Variants in SPTBN5 observed in about 807,000 individuals in gnomAD.
The protein encoded by SPTBN5 is spectrin beta, non-erythrocytic 5, also known as spectrin beta chain, non-erythrocytic 5.
SPTBN5 carries 513 observed loss-of-function variants against 477.6 expected under a neutral mutation model. The observed-to-expected ratio is 1.07, with a 90% CI of 1.00 to 1.16. The LOEUF (loss-of-function observed/expected upper bound fraction) is 1.16. Ranked by LOEUF, SPTBN5 falls within the 50% of genes most tolerant of loss-of-function variation. SPTBN5 has a pLI of 0.00. For synonymous variants in SPTBN5, 2,169 were observed against 2,011.7 expected, an observed-to-expected ratio of 1.08 and a Z score of -2.09; for missense variants, 5,062 against 4,731.8, an observed-to-expected ratio of 1.07 and a Z score of -2.05.
chr15:41,869,159 G>A (rs897690630), intron 32 of SPTBN5, among the ~76,000 whole-genome samples: 10 of 152,244 alleles, frequency 6.6e-5, no homozygotes, highest in Non-Finnish European at 2.9e-5. Flanking sequence ...GAGGAAGGAA[G>A]GGTAAATGGC....
Position 41,874,458 on chromosome 15 carries a change from T to G in SPTBN5, c.4523A>C (p.His1508Pro), listed in dbSNP as rs1047339369. 1 of 1,610,590 alleles carries G rather than the reference T, an allele frequency of 6.2e-7. No homozygotes were observed. Among genetic ancestry groups the G allele is most frequent in the South Asian group, 1.1e-5 (1 of 90,934 alleles). The change falls in exon 24 of 68, where the codon CAT (histidine) becomes CCT (proline). Residue 1508 changes from histidine (H) to proline (P), a missense_variant. His to Pro is a moderately conservative substitution (Grantham distance 77). Coordinates refer to ENST00000320955, the MANE Select transcript of SPTBN5 (RefSeq NM_016642.4). ...HLRRLELLQG[H>P]LAIRGLQLQA... ...CAGCTGCAGGCCCCGGATGGCCAGA[T>G]GCCCCTGCAGAAGCTCCAGCCTAGG...
At chr15:41,868,884 C>A (rs768084776) in intron 32 of SPTBN5, among the ~76,000 whole-genome samples, 2 of 152,242 alleles carry the variant, frequency 1.3e-5, no homozygotes, top group Non-Finnish European at 2.9e-5. Flanking sequence ...CAGAGCTCAC[C>A]TGGATGAGGC....
chr15:41,854,137 C>A lies in SPTBN5; in HGVS notation c.9687G>T (p.Gln3229His). ...CCCCCTTCATCAGGGCCGTCTTCTC[C>A]TGCATCCTTCCCTGGAGCTCAGCTG... Reference protein sequence around the residue: ...QAAAELQGRMQEKTALMKGED... With the variant: ...QAAAELQGRMHEKTALMKGED... Residue 3229 changes from glutamine (Q) to histidine (H), a missense_variant, in exon 57 of 68, where the codon CAG becomes CAT. By Grantham distance (24) the Gln-to-His change is conservative. Transcript: ENST00000320955. 6.3e-7 allele frequency: 1 copy of A among 1,594,646 alleles called. No homozygotes were observed. The highest frequency in any genetic ancestry group is 2.3e-5 in the East Asian group (1 of 43,854).
chr15:41,882,677 C>T lies in SPTBN5; in HGVS notation c.1954G>A (p.Glu652Lys), dbSNP rs1367333938. 1.9e-6 allele frequency: 3 copies of T among 1,608,870 alleles called. No individual in the cohort carries two copies. The highest frequency in any genetic ancestry group is 1.7e-5 in the Admixed American group (1 of 59,524). Residue 652 changes from glutamate (E) to lysine (K), a missense_variant, in exon 10 of 68, where the codon GAA becomes AAA. Transcript: ENST00000320955. The stretch of plus-strand genomic sequence containing the variant: ...TGTCCGCACTCCTTCAGCCAGGCTT[C>T]CTCCTCCTCACAGTTGCGCAGGAAC... ...AEFLRNCEEE[E>K]AWLKECGQRV...
chr15:41,871,310 CTG>C, intron 29 of SPTBN5, 63 bp downstream of exon 29: 1 of 1,353,838 alleles, frequency 7.4e-7, no homozygotes, highest in African/African-American at 1.5e-5. Flanking sequence ...TCTTACCACT[CTG>C]GGCCCTGCCT....
intron 3 of SPTBN5, among the ~76,000 whole-genome samples, chr15:41,892,140 G>A (rs1288357914): frequency 6.6e-6 from 1 of 152,156 alleles, no homozygotes; most frequent in Non-Finnish European, 1.5e-5. Context: ...CACCCCAGGA[G>A]GCTGGATGTA....
intron 7 of SPTBN5, 38 bp downstream of exon 7, chr15:41,885,697 C>T: frequency 6.5e-7 from 1 of 1,531,488 alleles, no homozygotes; most frequent in South Asian, 1.2e-5. Context: ...AGGACAGCCT[C>T]AGCCAGCTGT....
chr15:41,856,777 C>T, intron 52 of SPTBN5, 76 bp downstream of exon 52: 3 of 1,443,478 alleles, frequency 2.1e-6, no homozygotes, highest in South Asian at 2.6e-5. Context: ...CCTGGCTGGG[C>T]CACAGAGAGT....
chr15:41,876,439 T>A, intron 20 of SPTBN5, 109 bp downstream of exon 20: 1 of 1,337,044 alleles, frequency 7.5e-7, no homozygotes, highest in Non-Finnish European at 1.0e-6. Flanking sequence ...GTTGAGAGGA[T>A]GAATGACATA....
At chr15:41,861,606 A>G (rs1385683611) in intron 45 of SPTBN5, 110 bp from the exon 46 acceptor site, 2 of 1,510,688 alleles carry the variant, frequency 1.3e-6, no homozygotes, top group Non-Finnish European at 1.8e-6. Flanking sequence ...GGAAGGCAGG[A>G]GTGCTGAGTG....
At position 41,858,672 on chromosome 15, in the gene SPTBN5, T is replaced by C. The variant is rs1256823703; in HGVS notation, c.8156A>G (p.Gln2719Arg). The change falls in exon 49 of 68, where the codon CAG becomes CGG. Residue 2719 changes from glutamine (Q) to arginine (R), a missense_variant. Gln to Arg is a conservative substitution (Grantham distance 43, BLOSUM62 1). Coordinates refer to ENST00000320955, the MANE Select transcript of SPTBN5 (RefSeq NM_016642.4). Reference sequence around the variant, plus strand: ...CTGGAAATTCTGCTGCTTCTGTAACTGTGCTGGCAGCATGGCTGTGTCCAG... The same window carrying C: ...CTGGAAATTCTGCTGCTTCTGTAACCGTGCTGGCAGCATGGCTGTGTCCAG... Reference protein sequence around the residue: ...GLLDTAMLPAQLQKQQNFQAE... With the variant: ...GLLDTAMLPARLQKQQNFQAE... 2.5e-6 allele frequency: 4 copies of C among 1,611,226 alleles called. No homozygotes were observed. The African/African-American group carries it at 4.0e-5, about 16-fold the overall frequency.
intron 53 of SPTBN5, among the ~76,000 whole-genome samples, chr15:41,856,065 TTTTAC>T (rs1391226672): frequency 6.6e-6 from 1 of 152,290 alleles, no homozygotes; most frequent in Non-Finnish European, 1.5e-5. Context: ...TTATTAGCCT[TTTTAC>T]TTCAGTTTTT....
chr15:41,860,541 G>A, intron 47 of SPTBN5, 45 bp downstream of exon 47: 1 of 1,345,568 alleles, frequency 7.4e-7, no homozygotes, highest in Non-Finnish European at 9.6e-7. Flanking sequence ...CCAGATGCCT[G>A]TGCCAGCCTG....
At position 41,854,401 on chromosome 15, in the gene SPTBN5, G is replaced by T. The variant is rs561306920; in HGVS notation, c.9619-196C>A. 3.2e-3 allele frequency among the ~76,000 whole-genome samples: 493 copies of T among 152,096 alleles called. 2 individuals are homozygous for T. The highest frequency in any genetic ancestry group is 0.011 in the African/African-American group (474 of 41,442). On this transcript the variant is annotated intron_variant, in intron 56 of 67. Transcript: ENST00000320955. ...ATGATATGGGTCTGCGGCAGGCCAG[G>T]GGGTGGGGAGGGTGGGGAGAGGAGA...
At chr15:41,891,435 A>G (rs771345145) in intron 3 of SPTBN5, among the ~76,000 whole-genome samples, 2 of 152,140 alleles carry the variant, frequency 1.3e-5, no homozygotes, top group African/African-American at 2.4e-5. Flanking sequence ...ACCTTGGCTT[A>G]GAGTTGGAGC....
At chr15:41,876,453 C>T (rs1443882425) in intron 20 of SPTBN5, 95 bp downstream of exon 20, 20 of 1,354,820 alleles carry the variant, frequency 1.5e-5, no homozygotes, top group Middle Eastern at 3.6e-4. Context: ...TGACATAGCG[C>T]GTGAGGAAAG....
chr15:41,864,504 G>A (rs954866888), intron 39 of SPTBN5, among the ~76,000 whole-genome samples: 2 of 152,224 alleles, frequency 1.3e-5, no homozygotes, highest in South Asian at 2.1e-4. Context: ...CGTAGAGATG[G>A]GGTTTCACCA....
chr15:41,872,367 C>T lies in SPTBN5; in HGVS notation c.5100G>A (p.Gln1700=), dbSNP rs1200508005. The T allele has an allele frequency of 1.2e-6, 2 of 1,611,402 alleles. No homozygotes were observed. The highest frequency in any genetic ancestry group is 2.2e-5 in the South Asian group (2 of 90,628). The change falls in exon 27 of 68, where the codon CAG becomes CAA. Residue 1700 remains glutamine, a synonymous_variant. Transcript: ENST00000320955. ...GGAGCCTCTCCTGCACCACACGCTGCTGCTCAGGGACTTCGGGGCCAGTGA... is the reference window on the plus strand; with the variant it reads ...GGAGCCTCTCCTGCACCACACGCTGTTGCTCAGGGACTTCGGGGCCAGTGA... ...QTLTGPEVPE[Q]QRVVQERLRE...
At chr15:41,880,131 G>A in intron 14 of SPTBN5, 29 bp downstream of exon 14, 1 of 1,554,864 alleles carries the variant, frequency 6.4e-7, no homozygotes, top group Non-Finnish European at 8.7e-7. Flanking sequence ...GCAAGGCGAG[G>A]AGGAGGTGCC....
Sources: allele counts gnomAD v4.1 joint callset (sites outside exome capture counted in the v4.1 genomes callset), GRCh38; gene constraint gnomAD v4.1.1; transcripts MANE v1.5; gene names NCBI Gene and HGNC (gene_info 2026-07-23, HGNC 2026-07-21).